AMDHD1: variants seen among roughly 807,000 people sequenced by gnomAD.
AMDHD1 encodes probable imidazolonepropionase.
AMDHD1 carries 45 observed loss-of-function variants against 44.1 expected under a neutral mutation model. The ratio of observed to expected loss-of-function variants is 1.02; its 90% CI spans 0.80 to 1.31. The LOEUF is 1.31. AMDHD1 is among the 50% of genes most tolerant of loss of function. The pLI is 0.00. For missense variants in AMDHD1, 586 were observed against 552.1 expected (o/e 1.06, Z -0.61); for synonymous variants, 206 against 205.0 (o/e 1.00, Z -0.04).
chr12:95,952,001 G>C (rs1193050793), intron 1 of AMDHD1, among the ~76,000 whole-genome samples: 2 of 152,192 alleles, frequency 1.3e-5, no homozygotes, highest in African/African-American at 4.8e-5. Context: ...CAATTAGATA[G>C]TGTGCAAATT....
chr12:95,963,847 A>G (rs1370192303), intron 6 of AMDHD1, among the ~76,000 whole-genome samples: 1 of 152,144 alleles, frequency 6.6e-6, no homozygotes, highest in Non-Finnish European at 1.5e-5. Context: ...ACTGGCCAAC[A>G]TGGTTGAACT....
Position 95,964,259 on chromosome 12 carries a change from C to T in AMDHD1, c.939-1427C>T, listed in dbSNP as rs192735886. On this transcript the variant is annotated intron_variant, in intron 6 of 8. Coordinates refer to ENST00000266736, the MANE Select transcript of AMDHD1 (RefSeq NM_152435.3). ...GGCCACACTCTGCTTTCTGGCTTCTCGTTTCTATATTTTTCTGATCTCTGC... is the reference window on the plus strand; with the variant it reads ...GGCCACACTCTGCTTTCTGGCTTCTTGTTTCTATATTTTTCTGATCTCTGC... 3.7e-3 allele frequency among the ~76,000 whole-genome samples: 564 copies of T among 152,172 alleles called. 2 individuals are homozygous for T. The highest frequency in any genetic ancestry group is 0.013 in the African/African-American group (534 of 41,522).
chr12:95,968,488 A>G lies in AMDHD1; in HGVS notation c.*645A>G, dbSNP rs2080623363. 1 of 152,182 alleles carries G rather than the reference A, an allele frequency of 6.6e-6. No individual in the cohort carries two copies. Among genetic ancestry groups the G allele is most frequent in the Admixed American group, 6.5e-5 (1 of 15,278 alleles). The allele number at this position is 152,182 out of a possible 1,614,324, so 9.4% of individuals were successfully genotyped here. A position where few individuals can be genotyped will look rare whatever the true frequency, so the allele number is the denominator to read the frequency against. Reference sequence around the variant, plus strand: ...AAATGGGTGCATTTTTACCAACTACAATCATGTAATTTTTTTGGAAATTTT... The same window carrying G: ...AAATGGGTGCATTTTTACCAACTACGATCATGTAATTTTTTTGGAAATTTT... On this transcript the variant is annotated 3_prime_UTR_variant, in exon 9 of 9. Coordinates refer to ENST00000266736, the MANE Select transcript of AMDHD1 (RefSeq NM_152435.3).
chr12:95,965,678 C>G lies in AMDHD1; in HGVS notation c.939-8C>G. ...CTAGAGACTGACATATTTTTTTCCT[C>G]CCCTTAGACTGAAACAACCTCGAGC... On this transcript the variant is annotated splice_region_variant and splice_polypyrimidine_tract_variant and intron_variant, in intron 6 of 8. Transcript: ENST00000266736. The G allele has an allele frequency of 6.2e-7, 1 of 1,601,820 alleles. No homozygotes were observed. Among genetic ancestry groups the G allele is most frequent in the Admixed American group, 1.7e-5 (1 of 57,270 alleles).
At chr12:95,966,572 A>G in intron 8 of AMDHD1, 64 bp downstream of exon 8, 4 of 1,580,210 alleles carry the variant, frequency 2.5e-6, no homozygotes, top group Non-Finnish European at 3.5e-6. Flanking sequence ...TGAGGCCTAA[A>G]TCCCTTTTCC....
At position 95,968,260 on chromosome 12, in the gene AMDHD1, A is replaced by T. The variant is rs1565980421; in HGVS notation, c.*417A>T. 6.4e-6 allele frequency: 1 copy of T among 156,846 alleles called. No individual in the cohort carries two copies. 9.7% of individuals were successfully genotyped at this position (156,846 alleles called of 1,614,324 possible). ...GAAAGAAATCTAAGTGATACGCCCC[A>T]ATGAAGCTAAAATATAGCCTTCTGT... On this transcript the variant is annotated 3_prime_UTR_variant, in exon 9 of 9. Transcript: ENST00000266736.
rs1219047126 is a variant in AMDHD1 at position 95,960,747 on chromosome 12, A to C, written c.813+124A>C. 7 of 1,026,652 alleles carry C rather than the reference A, an allele frequency of 6.8e-6. No homozygotes were observed. The East Asian group carries it at 1.5e-4, about 22-fold the overall frequency. 63.6% of individuals were successfully genotyped at this position (1,026,652 alleles called of 1,614,324 possible). On this transcript the variant is annotated intron_variant, in intron 5 of 8. Coordinates refer to ENST00000266736, the MANE Select transcript of AMDHD1 (RefSeq NM_152435.3). ...ATTGAATGGGGAAATTTGTTTGAAC[A>C]ATGTACAGATTGGTCTGGTTGAGAC...
intron 6 of AMDHD1, among the ~76,000 whole-genome samples, chr12:95,964,992 G>A (rs1356419484): frequency 7.5e-6 from 1 of 133,582 alleles, no homozygotes; most frequent in Non-Finnish European, 1.6e-5. Context: ...TTGCAAAATG[G>A]AAACTAATAA....
chr12:95,944,800 A>G (rs1182458294), intron 1 of AMDHD1, among the ~76,000 whole-genome samples: 2 of 152,136 alleles, frequency 1.3e-5, no homozygotes, highest in African/African-American at 4.8e-5. Context: ...GAAAGTTGAA[A>G]AATATGTACC....
At chr12:95,965,298 C>CAA (rs34398121) in intron 6 of AMDHD1, among the ~76,000 whole-genome samples, 80 of 94,612 alleles carry the variant, frequency 8.5e-4, no homozygotes, top group South Asian at 1.1e-3. Flanking sequence ...GATTCCATCT[C>CAA]AAAAAAAAAA....
chr12:95,950,390 C>T (rs2080520806), intron 1 of AMDHD1, among the ~76,000 whole-genome samples: 1 of 152,194 alleles, frequency 6.6e-6, no homozygotes, highest in South Asian at 2.1e-4. Flanking sequence ...TGTTAGGTTA[C>T]CCCAACCACT....
chr12:95,964,369 C>T (rs1026332074), intron 6 of AMDHD1, among the ~76,000 whole-genome samples: 5 of 152,202 alleles, frequency 3.3e-5, no homozygotes, highest in African/African-American at 1.2e-4. Flanking sequence ...CCTTATGCTA[C>T]TTAAGGGCTT....
Position 95,960,512 on chromosome 12 carries a change from G to C in AMDHD1, c.702G>C (p.Glu234Asp). The change falls in exon 5 of 9, where the codon GAG becomes GAC. Residue 234 changes from glutamate to aspartate, a missense_variant. Physicochemically the swap from Glu to Asp is conservative, Grantham distance 45. Transcript: ENST00000266736. The part of the protein sequence containing the change: ...IHVDNIDVFC[E>D]KGVFDLDSTR... Reference sequence around the variant, plus strand: ...TGGACAATATAGACGTATTTTGTGAGAAAGGTGTCTTTGATCTCGATTCCA... The same window carrying C: ...TGGACAATATAGACGTATTTTGTGACAAAGGTGTCTTTGATCTCGATTCCA... 1 of 1,614,230 alleles carries C rather than the reference G, an allele frequency of 6.2e-7. No individual in the cohort carries two copies. Among genetic ancestry groups the C allele is most frequent in the Non-Finnish European group, 8.5e-7 (1 of 1,180,034 alleles).
rs1271436265 is a variant in AMDHD1 at position 95,966,223 on chromosome 12, T to C, written c.1033-125T>C. ...TATGTATAAACTTAGATTTTTCCCA[T>C]TGCAACTGAGCCAATTCCTCCTATA... is the stretch of plus-strand genomic sequence containing the variant. On this transcript the variant is annotated intron_variant, in intron 7 of 8. Coordinates refer to ENST00000266736, the MANE Select transcript of AMDHD1 (RefSeq NM_152435.3). 3.8e-6 allele frequency: 4 copies of C among 1,060,458 alleles called. No individual in the cohort carries two copies. The East Asian group carries it at 1.0e-4, about 27-fold the overall frequency. 65.7% of individuals were successfully genotyped at this position (1,060,458 alleles called of 1,614,324 possible).
chr12:95,943,709 C>T (rs1303248120), intron 1 of AMDHD1, among the ~76,000 whole-genome samples, 174 bp downstream of exon 1: 1 of 152,208 alleles, frequency 6.6e-6, no homozygotes, highest in Non-Finnish European at 1.5e-5. Flanking sequence ...TTGGGGTTGT[C>T]ATTCCGTCCA....
chr12:95,963,901 C>T (rs1411294123), intron 6 of AMDHD1, among the ~76,000 whole-genome samples: 3 of 151,842 alleles, frequency 2.0e-5, no homozygotes, highest in Non-Finnish European at 2.9e-5. Flanking sequence ...TGGTGGCGCG[C>T]GCCTGTAGTC....
chr12:95,956,653 T>C, intron 3 of AMDHD1, 32 bp from the exon 4 acceptor site: 2 of 1,604,984 alleles, frequency 1.2e-6, no homozygotes, highest in Non-Finnish European at 8.5e-7. Context: ...CTTCCTGGCA[T>C]GTGCTGGCCT....
At chr12:95,955,213 C>G (rs902811716) in intron 3 of AMDHD1, among the ~76,000 whole-genome samples, 4 of 152,236 alleles carry the variant, frequency 2.6e-5, no homozygotes, top group African/African-American at 9.6e-5. Flanking sequence ...TCCTTCCCCA[C>G]ATTCCCATTC....
In AMDHD1 at chr12:95,967,942, T is replaced by A; in HGVS notation, c.*99T>A. 2 of 824,830 alleles carry A rather than the reference T, an allele frequency of 2.4e-6. No homozygotes were observed. Among genetic ancestry groups the A allele is most frequent in the Non-Finnish European group, 3.7e-6 (2 of 535,194 alleles). 51.1% of individuals were successfully genotyped at this position (824,830 alleles called of 1,614,324 possible). A position where few individuals can be genotyped will look rare whatever the true frequency, so the allele number is the denominator to read the frequency against. ...TAATATTTACAAGAATTATATCACT[T>A]AAACCTAAATGTACTTCAATGTCTT... On this transcript the variant is annotated 3_prime_UTR_variant, in exon 9 of 9. Coordinates refer to ENST00000266736, the MANE Select transcript of AMDHD1 (RefSeq NM_152435.3).
Sources: allele counts gnomAD v4.1 joint callset (sites outside exome capture counted in the v4.1 genomes callset), GRCh38; gene constraint gnomAD v4.1.1; transcripts MANE v1.5; gene names NCBI Gene and HGNC (gene_info 2026-07-23, HGNC 2026-07-21).